GGT7: variants seen among roughly 807,000 people sequenced by gnomAD.
GGT7 encodes gamma-glutamyltransferase 7, also known as glutathione hydrolase 7.
In GGT7, 30 loss-of-function variants were observed where a neutral mutation model predicts 69.2. That is an observed-to-expected ratio of 0.43 (90% CI 0.32 to 0.59). The LOEUF is 0.59. Ranked by LOEUF, GGT7 falls within the 20% of genes least tolerant of loss-of-function variation. The probability of loss-of-function intolerance (pLI) is 0.05; values close to 1 mark genes in which losing one functional copy is unlikely to be tolerated. For synonymous variants in GGT7, 388 were observed against 391.8 expected (o/e 0.99, Z 0.12); for missense variants, 733 against 901.1 (o/e 0.81, Z 2.39).
chr20:34,871,059 C>T (rs1475860039), intron 1 of GGT7, among the ~76,000 whole-genome samples: 1 of 152,180 alleles, frequency 6.6e-6, no homozygotes, highest in African/African-American at 2.4e-5. Context: ...TGAGCCACCG[C>T]GCCCGGCCTA....
At chr20:34,855,789 C>CTGTGTGTGTGTGTGTGTGTGTGTGTGTG (rs3138662) in intron 8 of GGT7, among the ~76,000 whole-genome samples, 51 of 144,160 alleles carry the variant, frequency 3.5e-4, no homozygotes, top group East Asian at 8.1e-4. Flanking sequence ...TTTTTCTTTT[C>CTGTGTGTGTGTGTGTGTGTGTGTGTGTG]TGTGTGTGTG....
intron 13 of GGT7, 42 bp from the exon 14 acceptor site, chr20:34,850,102 G>A (rs747567260): frequency 2.2e-5 from 29 of 1,331,072 alleles, no homozygotes; most frequent in Non-Finnish European, 2.8e-5. Context: ...CTGTCCCAGG[G>A]GTGATGGTCC....
intron 7 of GGT7, among the ~76,000 whole-genome samples, chr20:34,857,104 A>G (rs958837921): frequency 3.3e-5 from 5 of 152,200 alleles, no homozygotes; most frequent in African/African-American, 1.2e-4. Context: ...ATCATGTGCC[A>G]GGCATCACAC....
chr20:34,852,666 G>T, intron 10 of GGT7, 128 bp from the exon 11 acceptor site: 1 of 765,470 alleles, frequency 1.3e-6, no homozygotes, highest in Non-Finnish European at 2.0e-6. Context: ...CTAGGTCTAT[G>T]AGTGCAGAAG....
chr20:34,868,586 C>A (rs2079730712), intron 1 of GGT7, among the ~76,000 whole-genome samples: 1 of 152,136 alleles, frequency 6.6e-6, no homozygotes, highest in Admixed American at 6.5e-5. Flanking sequence ...ATTCAATTTT[C>A]TTTTAAGGAA....
Position 34,851,330 on chromosome 20 carries a change from G to C in GGT7, c.1626C>G (p.Phe542Leu). 1 of 1,613,902 alleles carries C rather than the reference G, an allele frequency of 6.2e-7. No homozygotes were observed. The highest frequency in any genetic ancestry group is 8.5e-7 in the Non-Finnish European group (1 of 1,179,986). Reference sequence around the variant, plus strand: ...CGGGTCGGACCACTGTGGGCAGCAGGAAAGAGAGTGGCCGCTTCCCTGGCT... The same window carrying C: ...CGGGTCGGACCACTGTGGGCAGCAGCAAAGAGAGTGGCCGCTTCCCTGGCT... Reference protein sequence around the residue: ...SVQPGKRPLSFLLPTVVRPAE... With the variant: ...SVQPGKRPLSLLLPTVVRPAE... Residue 542 changes from phenylalanine to leucine, a missense_variant, in exon 13 of 15, where the codon TTC (phenylalanine) becomes TTG (leucine). Coordinates refer to ENST00000336431, the MANE Select transcript of GGT7 (RefSeq NM_178026.3).
intron 10 of GGT7, 71 bp from the exon 11 acceptor site, chr20:34,852,609 G>A: frequency 2.8e-6 from 4 of 1,411,768 alleles, no homozygotes; most frequent in Middle Eastern, 2.6e-4. Flanking sequence ...TCACTTTTGT[G>A]GTGTTTGTGT....
intron 14 of GGT7, among the ~76,000 whole-genome samples, chr20:34,849,045 G>T (rs1392113405): frequency 6.6e-6 from 1 of 151,934 alleles, no homozygotes; most frequent in African/African-American, 2.4e-5. Context: ...TGCTTACCTT[G>T]GTCTCCTTTT....
chr20:34,859,575 T>C lies in GGT7; in HGVS notation c.882A>G (p.Pro294=), dbSNP rs375394201. The change falls in exon 7 of 15, where the codon CCA becomes CCG. Residue 294 remains proline, a synonymous_variant. Transcript: ENST00000336431. The stretch of plus-strand genomic sequence containing the variant: ...AGCCAGGTAGTGGCGGGCGGCCCGA[T>C]GGCAGGAACGTCTCCCGGAAGCGCT... ...MSERFRETFL[P]SGRPPLPGSL... The C allele has an allele frequency of 1.9e-6, 3 of 1,602,736 alleles. No individual in the cohort carries two copies. The highest frequency in any genetic ancestry group is 1.3e-5 in the African/African-American group (1 of 74,770).
At chr20:34,864,678 G>A (rs949102728) in intron 1 of GGT7, among the ~76,000 whole-genome samples, 10 of 147,894 alleles carry the variant, frequency 6.8e-5, no homozygotes, top group East Asian at 2.0e-4. Flanking sequence ...CCGAGATCGC[G>A]CCACAGCACT....
intron 7 of GGT7, among the ~76,000 whole-genome samples, chr20:34,857,910 G>A (rs2079522194): frequency 6.6e-6 from 1 of 152,126 alleles, no homozygotes; most frequent in Non-Finnish European, 1.5e-5. Flanking sequence ...AGCCACCATG[G>A]CCTGGCCCAT....
intron 1 of GGT7, among the ~76,000 whole-genome samples, chr20:34,870,921 AG>A (rs1362605471): frequency 2.0e-5 from 3 of 151,504 alleles, no homozygotes; most frequent in Admixed American, 6.6e-5. Context: ...CCTCCCGAGT[AG>A]CTAGGATTAC....
At chr20:34,855,981 C>T (rs562470153) in intron 8 of GGT7, among the ~76,000 whole-genome samples, 5 of 152,214 alleles carry the variant, frequency 3.3e-5, no homozygotes, top group East Asian at 1.9e-4. Context: ...TTTATAGAGA[C>T]GGTGTCTCAC....
rs774421001 is a variant in GGT7, at chr20:34,862,843, G to T, written c.528C>A (p.Ile176=). Residue 176 remains isoleucine (I), a synonymous_variant, in exon 3 of 15, where the codon ATC becomes ATA. Transcript: ENST00000336431. ...CCAGGCCAGAACTGTGTGGAGCCAC[G>T]ATACCCAAACACAAGGCTGCTGCCA... is the stretch of plus-strand genomic sequence containing the variant. ...AAVAAALCLG[I]VAPHSSGLGG... is the part of the protein sequence containing the mutation. 6.2e-7 allele frequency: 1 copy of T among 1,614,120 alleles called. No homozygotes were observed. Among genetic ancestry groups the T allele is most frequent in the Non-Finnish European group, 8.5e-7 (1 of 1,180,024 alleles).
chr20:34,853,343 GTGTGTGTGTGTGTGT>G (rs1568931702), intron 10 of GGT7, among the ~76,000 whole-genome samples: 3 of 17,562 alleles, frequency 1.7e-4, no homozygotes, highest in East Asian at 1.9e-3. Flanking sequence ...TCATATAGGT[GTGTGTGTGTGTGTGT>G]GTGTGTGTGT....
At chr20:34,865,151 G>T (rs553936359) in intron 1 of GGT7, among the ~76,000 whole-genome samples, 1 of 151,892 alleles carries the variant, frequency 6.6e-6, no homozygotes, top group South Asian at 2.1e-4. Context: ...GCAAGAATGT[G>T]AAACCATCTG....
At chr20:34,852,877 T>G (rs2079421127) in intron 10 of GGT7, among the ~76,000 whole-genome samples, 2 of 152,238 alleles carry the variant, frequency 1.3e-5, no homozygotes, top group Admixed American at 6.5e-5. Context: ...CAAACTGGAT[T>G]CATTTAAACT....
chr20:34,860,640 T>TTTTG (rs1251700487), intron 4 of GGT7, among the ~76,000 whole-genome samples: 668 of 50,942 alleles, frequency 0.013, 4 homozygotes, highest in African/African-American at 0.074. Context: ...CCCCTGCCTT[T>TTTTG]TTTTTTTTTT....
chr20:34,861,252 G>T (rs770465212), intron 4 of GGT7, 193 bp downstream of exon 4: 3 of 392,266 alleles, frequency 7.6e-6, no homozygotes, highest in African/African-American at 6.2e-5. Flanking sequence ...GATTCCCAGA[G>T]AAGTAAGGTT....
Sources: allele counts gnomAD v4.1 joint callset (sites outside exome capture counted in the v4.1 genomes callset), GRCh38; gene constraint gnomAD v4.1.1; transcripts MANE v1.5; gene names NCBI Gene and HGNC (gene_info 2026-07-23, HGNC 2026-07-21).